Variants in SMIM41 observed in about 807,000 individuals in gnomAD.
SMIM41 encodes the protein small integral membrane protein 41.
intron 2 of SMIM41, among the ~76,000 whole-genome samples, chr12:52,090,523 C>A (rs1939981557): frequency 6.6e-6 from 1 of 152,160 alleles, no homozygotes; most frequent in African/African-American, 2.4e-5. Flanking sequence ...GTCGGGGAAC[C>A]ATGGGGAGGC....
rs376547497 is a variant in SMIM41, at chr12:52,086,224, T to C, written c.*195+2256T>C. 2.0e-5 allele frequency among the ~76,000 whole-genome samples: 3 copies of C among 152,076 alleles called. No homozygotes were observed. The East Asian group carries it at 5.8e-4, about 30-fold the overall frequency. The stretch of plus-strand genomic sequence containing the variant: ...CAGGGGCCTCCATACCCTGAGCAGT[T>C]CTGGGGTGCTGAGAGGGGACCTGCA... On this transcript the variant is annotated intron_variant, in intron 2 of 2. Transcript: ENST00000546390.
chr12:52,104,926 A>G (rs1447294334), intron 2 of SMIM41, among the ~76,000 whole-genome samples: 4 of 152,198 alleles, frequency 2.6e-5, no homozygotes, highest in African/African-American at 9.6e-5. Context: ...AGCTTGTTTC[A>G]TTTCCTCTGC....
intron 2 of SMIM41, among the ~76,000 whole-genome samples, chr12:52,096,276 C>G (rs1316432160): frequency 2.0e-5 from 3 of 152,078 alleles, no homozygotes; most frequent in Admixed American, 6.5e-5. Context: ...ATATTAGAAG[C>G]AATATCACCG....
chr12:52,096,415 C>T (rs2120694282), intron 2 of SMIM41, among the ~76,000 whole-genome samples: 1 of 152,060 alleles, frequency 6.6e-6, no homozygotes, highest in Admixed American at 6.5e-5. Context: ...ATGCTCTCTC[C>T]CTCCCTGGAC....
intron 2 of SMIM41, among the ~76,000 whole-genome samples, chr12:52,089,597 AAAAACAAAACAAAACAAAAC>A (rs149875066): frequency 2.0e-5 from 3 of 148,978 alleles, no homozygotes; most frequent in South Asian, 2.2e-4. Context: ...CCGCCTTCAA[AAAAACAAAACAAAACAAAAC>A]AAAACAAAAC....
chr12:52,102,683 A>G (rs1356479941), intron 2 of SMIM41, among the ~76,000 whole-genome samples: 5 of 152,226 alleles, frequency 3.3e-5, no homozygotes, highest in Non-Finnish European at 7.3e-5. Context: ...ATGTGATACC[A>G]CACATTAGGA....
At chr12:52,096,847 C>A (rs12303531) in intron 2 of SMIM41, among the ~76,000 whole-genome samples, 19,559 of 151,854 alleles carry the variant, frequency 0.13, 2,897 homozygotes, top group African/African-American at 0.37. Context: ...AAAATGTACA[C>A]CCCCCTGTGA....
At chr12:52,105,701 TGAG>T (rs202087706) in intron 2 of SMIM41, among the ~76,000 whole-genome samples, 3,020 of 152,128 alleles carry the variant, frequency 0.02, 41 homozygotes, top group Non-Finnish European at 0.033. Context: ...TGCAATGAGC[TGAG>T]ATCACTCCAC....
chr12:52,094,196 GA>G (rs1940051611), intron 2 of SMIM41, among the ~76,000 whole-genome samples: 1 of 143,138 alleles, frequency 7.0e-6, no homozygotes, highest in African/African-American at 2.8e-5. Flanking sequence ...TGAAGTTTTT[GA>G]TTTTTTTTTT....
At chr12:52,100,939 T>A (rs1179732614) in intron 2 of SMIM41, among the ~76,000 whole-genome samples, 1 of 151,896 alleles carries the variant, frequency 6.6e-6, no homozygotes, top group Non-Finnish European at 1.5e-5. Context: ...AATATTTGCT[T>A]TTTAGAAATT....
chr12:52,085,273 G>T (rs777251162), intron 2 of SMIM41, among the ~76,000 whole-genome samples: 1 of 152,110 alleles, frequency 6.6e-6, no homozygotes, highest in Non-Finnish European at 1.5e-5. Flanking sequence ...TCGGCTTCTG[G>T]CAGTAGAGCC....
chr12:52,096,414 C>A (rs1288918216), intron 2 of SMIM41, among the ~76,000 whole-genome samples: 2 of 152,006 alleles, frequency 1.3e-5, no homozygotes, highest in Non-Finnish European at 2.9e-5. Flanking sequence ...CATGCTCTCT[C>A]CCTCCCTGGA....
At chr12:52,105,381 T>C (rs901199908) in intron 2 of SMIM41, among the ~76,000 whole-genome samples, 1 of 152,220 alleles carries the variant, frequency 6.6e-6, no homozygotes, top group Non-Finnish European at 1.5e-5. Flanking sequence ...TTGGCTTCTC[T>C]TCCTGTTGAG....
intron 1 of SMIM41, among the ~76,000 whole-genome samples, chr12:52,082,799 T>C (rs190100619): frequency 5.3e-5 from 8 of 152,294 alleles, no homozygotes; most frequent in Non-Finnish European, 1.0e-4. Context: ...AGTCCATTCC[T>C]CAGTCTCCAC....
At chr12:52,100,764 C>T (rs750343290) in intron 2 of SMIM41, among the ~76,000 whole-genome samples, 9 of 152,030 alleles carry the variant, frequency 5.9e-5, no homozygotes, top group East Asian at 3.9e-4. Context: ...TGAGTGACCG[C>T]GCCCAGCCAC....
chr12:52,103,357 C>CAAAAAAAAAAAAAAAACCAAA (rs532598136), intron 2 of SMIM41, among the ~76,000 whole-genome samples: 2 of 116,982 alleles, frequency 1.7e-5, no homozygotes, highest in African/African-American at 3.1e-5. Context: ...AAAATAAAAC[C>CAAAAAAAAAAAAAAAACCAAA]AAAAAAAAAA....
intron 2 of SMIM41, among the ~76,000 whole-genome samples, chr12:52,089,512 T>C (rs544409169): frequency 1.3e-5 from 2 of 152,240 alleles, no homozygotes; most frequent in African/African-American, 4.8e-5. Context: ...GAGACTTACT[T>C]GAGCCTGGAA....
At chr12:52,102,828 C>G (rs1940245248) in intron 2 of SMIM41, among the ~76,000 whole-genome samples, 1 of 152,206 alleles carries the variant, frequency 6.6e-6, no homozygotes, top group African/African-American at 2.4e-5. Context: ...ACAGAATCAT[C>G]AGATGTTCCC....
rs1217427703 is a variant in SMIM41, at chr12:52,107,399, G to A, written c.*216G>A. The A allele has an allele frequency of 1.4e-5, 8 of 558,626 alleles. No homozygotes were observed. The highest frequency in any genetic ancestry group is 7.6e-5 in the African/African-American group (4 of 52,632). The allele number at this position is 558,626 out of a possible 1,614,324, so 34.6% of individuals were successfully genotyped here. ...CCTAGAACCTCAGAGGATCCAGAAC[G>A]GCAGCTGGTCCTTGCTGGACTGTTC... On this transcript the variant is annotated 3_prime_UTR_variant, in exon 3 of 3. Coordinates refer to ENST00000546390, the MANE Select transcript of SMIM41 (RefSeq NM_001369216.1).
Sources: allele counts gnomAD v4.1 joint callset (sites outside exome capture counted in the v4.1 genomes callset), GRCh38; gene constraint gnomAD v4.1.1; transcripts MANE v1.5; gene names NCBI Gene and HGNC (gene_info 2026-07-23, HGNC 2026-07-21).